RACGAP1: variants seen among roughly 807,000 people sequenced by gnomAD.
The protein encoded by RACGAP1 is Rac GTPase activating protein 1, also known as rac GTPase-activating protein 1.
RACGAP1 carries 30 observed loss-of-function variants against 78.1 expected under a neutral mutation model. The observed-to-expected ratio is 0.38, with a 90% CI of 0.29 to 0.52. The LOEUF (loss-of-function observed/expected upper bound fraction) is 0.52, where lower values mean the gene tolerates loss of function less well. Ranked by LOEUF, RACGAP1 falls within the 20% of genes least tolerant of loss-of-function variation. RACGAP1 has a pLI of 0.82. For missense variants in RACGAP1, 587 were observed against 777.1 expected, an observed-to-expected ratio of 0.76 and a Z score of 2.91; for synonymous variants, 231 against 264.8, an observed-to-expected ratio of 0.87 and a Z score of 1.24.
At chr12:49,998,185 C>T (rs1471364368) in intron 9 of RACGAP1, among the ~76,000 whole-genome samples, 2 of 151,404 alleles carry the variant, frequency 1.3e-5, no homozygotes, top group Admixed American at 6.6e-5. Flanking sequence ...GGAGGATCAC[C>T]TGAGGTCAGT....
Position 49,992,616 on chromosome 12 carries a change from TG to T in RACGAP1, c.1378del (p.Gln460LysfsTer14), listed in dbSNP as rs1407650705. 5 of 1,614,098 alleles carry T rather than the reference TG, an allele frequency of 3.1e-6. No individual in the cohort carries two copies. Among genetic ancestry groups the T allele is most frequent in the Non-Finnish European group, 4.2e-6 (5 of 1,180,016 alleles). ...DEDNSIAAMYQAVGELPQANR... is the reference protein window; with the variant it reads ...DEDNSIAAMYXAVGELPQANR... ...GGCCTGGGGCAGTTCACCAACAGCT[TG>T]GTACATGGCAGCTATGCTGTTGTCT... On this transcript the variant is annotated frameshift_variant, in exon 13 of 17. Transcript: ENST00000312377. LOFTEE classifies it high-confidence loss of function.
upstream of RACGAP1, among the ~76,000 whole-genome samples, chr12:50,027,829 T>C (rs1466222053): frequency 6.6e-6 from 1 of 151,780 alleles, no homozygotes; most frequent in African/African-American, 2.4e-5. Context: ...CCATCTCAAA[T>C]CAATCAATCA....
intron 4 of RACGAP1, 121 bp from the exon 5 acceptor site, chr12:50,004,425 C>A: frequency 1.4e-6 from 2 of 1,387,060 alleles, no homozygotes; most frequent in Admixed American, 2.4e-5. Context: ...AAAATCTTCA[C>A]TATAGAGACA....
chr12:50,016,306 C>T (rs866561263), intron 2 of RACGAP1, among the ~76,000 whole-genome samples: 10 of 151,966 alleles, frequency 6.6e-5, no homozygotes, highest in African/African-American at 1.9e-4. Flanking sequence ...CGCTTGAACC[C>T]GGGGAGCAGA....
At position 49,992,082 on chromosome 12, in the gene RACGAP1, T is replaced by C. The variant is rs1218190754; in HGVS notation, c.1630A>G (p.Met544Val). ...LPLEYWSQFMMVEQENIDPLH... is the reference protein window; with the variant it reads ...LPLEYWSQFMVVEQENIDPLH... ...GGGTCAATGTTCTCTTGCTCCACCATCATGAACTGACTCCAATACTCCAGA... is the reference window on the plus strand; with the variant it reads ...GGGTCAATGTTCTCTTGCTCCACCACCATGAACTGACTCCAATACTCCAGA... Residue 544 changes from methionine (M) to valine (V), a missense_variant, in exon 15 of 17, where the codon ATG becomes GTG. By Grantham distance (21) the Met-to-Val change is conservative (BLOSUM62 1). Transcript: ENST00000312377. 7 of 1,613,980 alleles carry C rather than the reference T, an allele frequency of 4.3e-6. No individual in the cohort carries two copies. Among genetic ancestry groups the C allele is most frequent in the Non-Finnish European group, 5.9e-6 (7 of 1,180,030 alleles).
At chr12:50,030,865 C>T (rs1051541900) in intron 2 of RACGAP1, among the ~76,000 whole-genome samples, 2 of 151,394 alleles carry the variant, frequency 1.3e-5, no homozygotes, top group Non-Finnish European at 2.9e-5. Context: ...CTGCAACCTC[C>T]GCCTCCCAGT....
intron 4 of RACGAP1, 137 bp from the exon 5 acceptor site, chr12:50,004,441 A>G: frequency 7.4e-7 from 1 of 1,359,240 alleles, no homozygotes; most frequent in Non-Finnish European, 9.7e-7. Flanking sequence ...AGACAATTAC[A>G]ATCTCAAACC....
chr12:49,992,606 A>C lies in RACGAP1; in HGVS notation c.1389T>G (p.Gly463=), dbSNP rs1415294328. ...NSIAAMYQAV[G]ELPQANRDTL... Reference sequence around the variant, plus strand: ...TGTCCCTGTTGGCCTGGGGCAGTTCACCAACAGCTTGGTACATGGCAGCTA... The same window carrying C: ...TGTCCCTGTTGGCCTGGGGCAGTTCCCCAACAGCTTGGTACATGGCAGCTA... The change falls in exon 13 of 17, where the codon GGT becomes GGG. Residue 463 remains glycine (G), a synonymous_variant. Coordinates refer to ENST00000312377, the MANE Select transcript of RACGAP1 (RefSeq NM_001319999.2). The C allele has an allele frequency of 6.2e-7, 1 of 1,614,190 alleles. No homozygotes were observed. Among genetic ancestry groups the C allele is most frequent in the East Asian group, 2.2e-5 (1 of 44,880 alleles).
At chr12:49,992,207 A>G in intron 14 of RACGAP1, 38 bp downstream of exon 14, 1 of 1,612,986 alleles carries the variant, frequency 6.2e-7, no homozygotes, top group Non-Finnish European at 8.5e-7. Context: ...TTATCACATT[A>G]CACAAGTTCA....
At position 50,000,018 on chromosome 12, in the gene RACGAP1, A is replaced by ATGTTTTTTTTTTTT. The variant is rs1555172403; in HGVS notation, c.631-286_631-285insAAAAAAAAAAAACA. On this transcript the variant is annotated intron_variant, in intron 7 of 16. Coordinates refer to ENST00000312377, the MANE Select transcript of RACGAP1 (RefSeq NM_001319999.2). ...AAGCATGCGCCACCACACCTGACTG[A>ATGTTTTTTTTTTTT]TTTTTTTTTTTTTGAGACGGAGTCT... 8.0e-5 allele frequency among the ~76,000 whole-genome samples: 8 copies of ATGTTTTTTTTTTTT among 99,618 alleles called. 1 individual carries two copies. The highest frequency in any genetic ancestry group is 3.9e-4 in the South Asian group (1 of 2,558). The allele number at this position is 99,618 out of a possible 152,430, so 65.4% of individuals were successfully genotyped here.
chr12:50,006,197 G>T (rs1305759179), intron 3 of RACGAP1, among the ~76,000 whole-genome samples: 1 of 152,152 alleles, frequency 6.6e-6, no homozygotes, highest in Non-Finnish European at 1.5e-5. Flanking sequence ...TTTGAAATCT[G>T]TCTGTTAAGT....
At chr12:50,028,838 T>C (rs1158514280), upstream of RACGAP1, among the ~76,000 whole-genome samples, 1 of 151,832 alleles carries the variant, frequency 6.6e-6, no homozygotes, top group African/African-American at 2.4e-5. Context: ...TCTCAGCACT[T>C]TGGGAGGCCA....
intron 2 of RACGAP1, among the ~76,000 whole-genome samples, chr12:50,014,923 A>G (rs1237107543): frequency 6.6e-6 from 1 of 151,412 alleles, no homozygotes; most frequent in Non-Finnish European, 1.5e-5. Context: ...GACACTTATA[A>G]TCCCAGCTAC....
intron 8 of RACGAP1, 170 bp from the exon 9 acceptor site, chr12:49,999,441 G>T (rs762845614): frequency 3.9e-6 from 4 of 1,026,240 alleles, no homozygotes; most frequent in Non-Finnish European, 5.6e-6. Flanking sequence ...TATGCCAGTG[G>T]GCTAGCAATT....
intron 1 of RACGAP1, among the ~76,000 whole-genome samples, chr12:50,023,254 C>T (rs1378831266): frequency 1.3e-5 from 2 of 152,146 alleles, no homozygotes; most frequent in African/African-American, 2.4e-5. Context: ...TTTTATGGCT[C>T]TTAATAGTGC....
Position 50,002,956 on chromosome 12 carries a change from G to A in RACGAP1, c.496-656C>T, listed in dbSNP as rs543975522. On this transcript the variant is annotated intron_variant, in intron 5 of 16. Transcript: ENST00000312377. ...GGAGAATGGCATAAACCCGGGAGGC[G>A]GAGCTTGCAGTGAGCTGAGATTGCG... Among the ~76,000 whole-genome samples the A allele has an allele frequency of 4.6e-5, 7 of 151,612 alleles. No homozygotes were observed. In the East Asian group the frequency reaches 1.2e-3, roughly 25 times the overall value.
At chr12:50,016,154 G>T (rs1949664037) in intron 2 of RACGAP1, among the ~76,000 whole-genome samples, 1 of 152,122 alleles carries the variant, frequency 6.6e-6, no homozygotes, top group Non-Finnish European at 1.5e-5. Flanking sequence ...GGCCGAGGCG[G>T]GCGGATCACC....
chr12:50,000,066 T>A (rs1948574660), intron 7 of RACGAP1, among the ~76,000 whole-genome samples: 1 of 130,582 alleles, frequency 7.7e-6, no homozygotes, highest in Non-Finnish European at 1.6e-5. Context: ...CACGCTGGAG[T>A]ACAGTGGCCC....
intron 8 of RACGAP1, 74 bp from the exon 9 acceptor site, chr12:49,999,345 C>G: frequency 6.6e-7 from 1 of 1,516,626 alleles, no homozygotes; most frequent in East Asian, 2.3e-5. Context: ...CCAATTTTAA[C>G]TGGGAGATAA....
Sources: gnomAD v4.1 joint callset for allele counts (sites outside exome capture counted in the v4.1 genomes callset) on GRCh38, gnomAD v4.1.1 for gene constraint, MANE v1.5 for transcripts, NCBI Gene and HGNC (gene_info 2026-07-23, HGNC 2026-07-21) for gene names.